The following RPH3AL variants were observed in gnomAD, a reference collection of about 807,000 sequenced individuals.
The protein encoded by RPH3AL is rab effector Noc2.
RPH3AL carries 38 observed loss-of-function variants against 43.1 expected under a neutral mutation model. The observed-to-expected ratio is 0.88, with a 90% CI of 0.68 to 1.15. The LOEUF (loss-of-function observed/expected upper bound fraction) is 1.15, where lower values mean the gene tolerates loss of function less well. Ranked by LOEUF, RPH3AL falls within the 50% of genes most tolerant of loss-of-function variation. The pLI, the probability that RPH3AL is intolerant of heterozygous loss-of-function variation, is 0.00. For missense variants in RPH3AL, 462 were observed against 423.2 expected (o/e 1.09, Z -0.81); for synonymous variants, 189 against 176.3 (o/e 1.07, Z -0.57).
intron 7 of RPH3AL, among the ~76,000 whole-genome samples, chr17:243,335 C>A (rs1262298675): frequency 7.1e-6 from 1 of 141,728 alleles, no homozygotes; most frequent in Admixed American, 6.9e-5. Flanking sequence ...CTACTGATTG[C>A]CCCTCCTCTA....
At chr17:330,746 C>A (rs1056160105) in intron 2 of RPH3AL, among the ~76,000 whole-genome samples, 4 of 151,922 alleles carry the variant, frequency 2.6e-5, no homozygotes. Context: ...CGTGATGGCG[C>A]GCACCTGTAA....
rs773580417 is a variant in RPH3AL, at chr17:345,834, T to A, written c.-213+6878A>T. ...GCAAGCGTGCTCCCCAACTGCCCCA[T>A]CTGCCCGCACACCCTGCTGGGGCAT... is the stretch of plus-strand genomic sequence containing the variant. On this transcript the variant is annotated intron_variant, in intron 1 of 9. Coordinates refer to ENST00000331302, the MANE Select transcript of RPH3AL (RefSeq NM_006987.4). Among the ~76,000 whole-genome samples, 10 of 133,720 alleles carry A rather than the reference T, an allele frequency of 7.5e-5. 3 individuals are homozygous for A. The highest frequency in any genetic ancestry group is 1.7e-4 in the Non-Finnish European group (10 of 58,674). 87.7% of individuals were successfully genotyped at this position (133,720 alleles called of 152,430 possible).
chr17:316,469 G>A (rs2044197877), intron 5 of RPH3AL, among the ~76,000 whole-genome samples: 1 of 147,654 alleles, frequency 6.8e-6, no homozygotes, highest in Admixed American at 6.8e-5. Context: ...CTGACCTGTA[G>A]TCTCTGTGCC....
intron 3 of RPH3AL, among the ~76,000 whole-genome samples, chr17:326,203 T>C (rs1257832298): frequency 1.3e-5 from 2 of 152,218 alleles, no homozygotes; most frequent in African/African-American, 4.8e-5. Flanking sequence ...AGCCGAGCCC[T>C]CCTGGCGAAG....
intron 5 of RPH3AL, among the ~76,000 whole-genome samples, chr17:291,483 A>T (rs2043046787): frequency 6.6e-6 from 1 of 152,178 alleles, no homozygotes; most frequent in African/African-American, 2.4e-5. Context: ...CTGGTTTCTC[A>T]TTGGGAACCG....
At chr17:265,738 C>A (rs782409509) in intron 6 of RPH3AL, among the ~76,000 whole-genome samples, 1 of 152,258 alleles carries the variant, frequency 6.6e-6, no homozygotes, top group Non-Finnish European at 1.5e-5. Context: ...TCATTCAAAT[C>A]ACATTTACTA....
At chr17:330,563 C>T (rs1270184738) in intron 2 of RPH3AL, among the ~76,000 whole-genome samples, 1 of 152,202 alleles carries the variant, frequency 6.6e-6, no homozygotes, top group Non-Finnish European at 1.5e-5. Flanking sequence ...AAGCATTATT[C>T]TTTTCAAAGT....
chr17:238,025 G>C (rs1168453984), intron 7 of RPH3AL, among the ~76,000 whole-genome samples: 1 of 152,128 alleles, frequency 6.6e-6, no homozygotes, highest in East Asian at 1.9e-4. Flanking sequence ...TACATGGCCA[G>C]CTACTTGGGA....
rs2041910020 is a variant in RPH3AL, at chr17:251,887, A to C, written c.439-4602T>G. On this transcript the variant is annotated intron_variant, in intron 6 of 9. Transcript: ENST00000331302. The stretch of plus-strand genomic sequence containing the variant: ...CAAATGAAGCAGACCCCTAAGAACC[A>C]TCTGTGAACGGCGGGGCCCGTGCAG... Among the ~76,000 whole-genome samples, 3 of 151,738 alleles carry C rather than the reference A, an allele frequency of 2.0e-5. No individual in the cohort carries two copies. The South Asian group carries it at 6.2e-4, about 31-fold the overall frequency.
In RPH3AL at chr17:245,409, G is replaced by A. The variant is rs1301773516; in HGVS notation, c.613+1702C>T. On this transcript the variant is annotated intron_variant, in intron 7 of 9. Transcript: ENST00000331302. The surrounding 1 kb of genome is among the most constrained non-coding windows in gnomAD (Gnocchi z 5.9). ...TGTGTGTGTGGATATCAGTGTGTGTGTGTGCATGGTGATGTGTGTGTAGGT... is the reference window on the plus strand; with the variant it reads ...TGTGTGTGTGGATATCAGTGTGTGTATGTGCATGGTGATGTGTGTGTAGGT... Among the ~76,000 whole-genome samples the A allele has an allele frequency of 2.0e-5, 3 of 150,518 alleles. No homozygotes were observed. Among genetic ancestry groups the A allele is most frequent in the Non-Finnish European group, 3.0e-5 (2 of 67,652 alleles).
chr17:324,093 C>T (rs574908998), intron 3 of RPH3AL, among the ~76,000 whole-genome samples: 33 of 152,336 alleles, frequency 2.2e-4, no homozygotes, highest in Admixed American at 9.1e-4. Context: ...TGAGGCACCC[C>T]GCCCCATTTC....
At chr17:343,883 A>G (rs573990715) in intron 1 of RPH3AL, among the ~76,000 whole-genome samples, 1 of 152,316 alleles carries the variant, frequency 6.6e-6, no homozygotes, top group African/African-American at 2.4e-5. Flanking sequence ...AAAGCCTGTC[A>G]CAGTGTGCAT....
chr17:344,774 ACAT>A (rs1457478558), intron 1 of RPH3AL, among the ~76,000 whole-genome samples: 1 of 135,802 alleles, frequency 7.4e-6, no homozygotes, highest in Non-Finnish European at 1.7e-5. Flanking sequence ...AATCACTGTT[ACAT>A]CATCATATTC....
chr17:252,116 T>A (rs1555542777), intron 6 of RPH3AL, among the ~76,000 whole-genome samples: 1 of 151,734 alleles, frequency 6.6e-6, no homozygotes, highest in Admixed American at 6.6e-5. Context: ...GGACTATAGG[T>A]GGTGTGCGCC....
At chr17:299,070 A>T (rs1598042747) in intron 5 of RPH3AL, among the ~76,000 whole-genome samples, 2 of 141,020 alleles carry the variant, frequency 1.4e-5, no homozygotes, top group South Asian at 2.3e-4. Context: ...CTTCGGGGGG[A>T]GGGAGGGGGA....
intron 7 of RPH3AL, among the ~76,000 whole-genome samples, chr17:233,079 A>G (rs2041269078): frequency 6.6e-6 from 1 of 151,854 alleles, no homozygotes; most frequent in African/African-American, 2.4e-5. Flanking sequence ...TTATCAAAGC[A>G]TAGTGGGGAT....
At chr17:240,551 G>T (rs950626996) in intron 7 of RPH3AL, among the ~76,000 whole-genome samples, 10 of 152,074 alleles carry the variant, frequency 6.6e-5, no homozygotes, top group African/African-American at 2.2e-4. Context: ...CACACAACAC[G>T]CGGCCTTTCG....
intron 7 of RPH3AL, among the ~76,000 whole-genome samples, chr17:235,986 T>C (rs2041382785): frequency 6.6e-6 from 1 of 150,650 alleles, no homozygotes; most frequent in South Asian, 2.1e-4. Flanking sequence ...GGCTCTACAC[T>C]AACAAGACGG....
chr17:279,214 G>A (rs879238915), intron 6 of RPH3AL, among the ~76,000 whole-genome samples: 5 of 152,086 alleles, frequency 3.3e-5, no homozygotes, highest in Admixed American at 2.0e-4. Flanking sequence ...AACCAATTAC[G>A]CCAGCCTTCC....
Sources: allele counts gnomAD v4.1 joint callset (sites outside exome capture counted in the v4.1 genomes callset), GRCh38; gene constraint gnomAD v4.1.1; non-coding constraint Gnocchi (gnomAD v3.1); transcripts MANE v1.5; gene names NCBI Gene and HGNC (gene_info 2026-07-23, HGNC 2026-07-21).